The following EBF3 variants were observed in gnomAD, a reference collection of about 807,000 sequenced individuals.
The protein encoded by EBF3 is EBF transcription factor 3.
EBF3 carries 18 observed loss-of-function variants against 77.1 expected under a neutral mutation model. The observed-to-expected ratio is 0.23, with a 90% CI of 0.16 to 0.35. EBF3 has a LOEUF of 0.35. Ranked by LOEUF, EBF3 falls within the 10% of genes least tolerant of loss-of-function variation. The pLI, the probability that EBF3 is intolerant of heterozygous loss-of-function variation, is 1.00. For synonymous variants in EBF3, 350 were observed against 343.5 expected (o/e 1.02, Z -0.21); for missense variants, 558 against 860.0 (o/e 0.65, Z 4.39).
At position 129,897,801 on chromosome 10, in the gene EBF3, C is replaced by T. The variant is rs544385658; in HGVS notation, c.555-19952G>A. Reference sequence around the variant, plus strand: ...TCTTACTTTCCTACATTTATCGTGACGGGGCCACTTGTGGGTATGCGAGTA... The same window carrying T: ...TCTTACTTTCCTACATTTATCGTGATGGGGCCACTTGTGGGTATGCGAGTA... On this transcript the variant is annotated intron_variant, in intron 6 of 16. Coordinates refer to ENST00000440978, the MANE Select transcript of EBF3 (RefSeq NM_001375380.1). This position sits in a 1 kb window ranked among gnomAD's most constrained non-coding sequence, Gnocchi z 4.6. 2.6e-5 allele frequency among the ~76,000 whole-genome samples: 4 copies of T among 152,172 alleles called. No individual in the cohort carries two copies. The highest frequency in any genetic ancestry group is 2.1e-4 in the South Asian group (1 of 4,822).
At chr10:129,871,085 G>A (rs925661952) in intron 8 of EBF3, among the ~76,000 whole-genome samples, 1 of 152,124 alleles carries the variant, frequency 6.6e-6, no homozygotes, top group African/African-American at 2.4e-5. Flanking sequence ...GCTTTAACTC[G>A]CTAAAGCCCC....
At position 129,936,017 on chromosome 10, in the gene EBF3, C is replaced by T. The variant is rs554358826; in HGVS notation, c.554+21241G>A. Among the ~76,000 whole-genome samples the T allele has an allele frequency of 9.2e-5, 14 of 152,270 alleles. No individual in the cohort carries two copies. In the South Asian group the frequency reaches 2.7e-3, roughly 29 times the overall value. Reference sequence around the variant, plus strand: ...ACAATGCAGCTGGTGCCCAGGGCTGCGAGTCAACGGCGGCAGGTGCAGATG... The same window carrying T: ...ACAATGCAGCTGGTGCCCAGGGCTGTGAGTCAACGGCGGCAGGTGCAGATG... On this transcript the variant is annotated intron_variant, in intron 6 of 16. Coordinates refer to ENST00000440978, the MANE Select transcript of EBF3 (RefSeq NM_001375380.1).
chr10:129,937,535 A>T (rs906928345), intron 6 of EBF3, among the ~76,000 whole-genome samples: 2 of 152,174 alleles, frequency 1.3e-5, no homozygotes, highest in African/African-American at 4.8e-5. Flanking sequence ...CCACCTGTCC[A>T]TCCGCACATT....
In EBF3 at chr10:129,879,968, T is replaced by C. The variant is rs1299298493; in HGVS notation, c.555-2119A>G. 6.6e-6 allele frequency among the ~76,000 whole-genome samples: 1 copy of C among 152,096 alleles called. No individual in the cohort carries two copies. The highest frequency in any genetic ancestry group is 1.5e-5 in the Non-Finnish European group (1 of 68,014). ...GCCCGAGAAGCTGCTCATCTGCAAATGTACCTGCACGGAGCCATCTCCAGG... is the reference window on the plus strand; with the variant it reads ...GCCCGAGAAGCTGCTCATCTGCAAACGTACCTGCACGGAGCCATCTCCAGG... On this transcript the variant is annotated intron_variant, in intron 6 of 16. Transcript: ENST00000440978. This position sits in a 1 kb window ranked among gnomAD's most constrained non-coding sequence, Gnocchi z 4.7.
intron 6 of EBF3, among the ~76,000 whole-genome samples, chr10:129,910,013 C>T (rs895690622): frequency 1.3e-5 from 2 of 152,338 alleles, no homozygotes; most frequent in East Asian, 1.9e-4. Flanking sequence ...ATGACAGATC[C>T]GCCGACACCA....
Position 129,870,310 on chromosome 10 carries a change from C to T in EBF3, c.782-2398G>A, listed in dbSNP as rs141998008. 8.6e-5 allele frequency among the ~76,000 whole-genome samples: 13 copies of T among 151,976 alleles called. No homozygotes were observed. Among genetic ancestry groups the T allele is most frequent in the Non-Finnish European group, 1.8e-4 (12 of 68,012 alleles). ...AGCGTTAGAGATCTAATGATATACG[C>T]GCACAATACACTCAAGCAGATGACA... On this transcript the variant is annotated intron_variant, in intron 8 of 16. Coordinates refer to ENST00000440978, the MANE Select transcript of EBF3 (RefSeq NM_001375380.1). This position sits in a 1 kb window ranked among gnomAD's most constrained non-coding sequence, Gnocchi z 4.4.
chr10:129,963,798 G>T lies in EBF3; in HGVS notation c.-30C>A. The T allele has an allele frequency of 1.3e-6, 2 of 1,489,678 alleles. No homozygotes were observed. The highest frequency in any genetic ancestry group is 1.8e-6 in the Non-Finnish European group (2 of 1,108,936). The allele number at this position is 1,489,678 out of a possible 1,614,324, so 92.3% of individuals were successfully genotyped here. On this transcript the variant is annotated 5_prime_UTR_variant, in exon 1 of 17. Coordinates refer to ENST00000440978, the MANE Select transcript of EBF3 (RefSeq NM_001375380.1). The surrounding 1 kb of genome is among the most constrained non-coding windows in gnomAD (Gnocchi z 7.1). ...ACTGCTGGCGGCGGCCGCAGCTCCC[G>T]GCCGAAAGCGTTTCCTCGAGCAGCG... is the stretch of plus-strand genomic sequence containing the variant.
At chr10:129,867,046 C>T (rs1472629222) in intron 10 of EBF3, 95 bp downstream of exon 10, 3 of 1,456,946 alleles carry the variant, frequency 2.1e-6, no homozygotes, top group African/African-American at 2.9e-5. Flanking sequence ...AGACCCCTGC[C>T]CTCTCTGTAC....
chr10:129,942,978 C>CAT (rs1185297449), intron 6 of EBF3, among the ~76,000 whole-genome samples: 5 of 152,186 alleles, frequency 3.3e-5, no homozygotes, highest in Non-Finnish European at 7.3e-5. Context: ...TAATTTACAG[C>CAT]ATGCACTTAT....
chr10:129,940,942 G>T (rs1857691090), intron 6 of EBF3, among the ~76,000 whole-genome samples: 1 of 152,146 alleles, frequency 6.6e-6, no homozygotes, highest in Admixed American at 6.5e-5. Context: ...CGGTCCCCCA[G>T]CCTCGGACTG....
chr10:129,926,932 G>A (rs758826637), intron 6 of EBF3, among the ~76,000 whole-genome samples: 1 of 152,208 alleles, frequency 6.6e-6, no homozygotes, highest in Non-Finnish European at 1.5e-5. Context: ...GCTGCAAGGT[G>A]GGCAAGGTGC....
chr10:129,867,425 T>C (rs1233973363), intron 9 of EBF3, among the ~76,000 whole-genome samples, 158 bp from the exon 10 acceptor site: 2 of 152,198 alleles, frequency 1.3e-5, no homozygotes, highest in Non-Finnish European at 2.9e-5. Flanking sequence ...CCTACAGTGT[T>C]TTTTAAGAAA....
chr10:129,840,792 CGGT>C, intron 14 of EBF3, 49 bp downstream of exon 14: 1 of 1,574,514 alleles, frequency 6.4e-7, no homozygotes, highest in Non-Finnish European at 8.6e-7. Flanking sequence ...ACACTCGACT[CGGT>C]AGTGAATATG....
chr10:129,927,047 G>A (rs1856724876), intron 6 of EBF3, among the ~76,000 whole-genome samples: 1 of 152,224 alleles, frequency 6.6e-6, no homozygotes, highest in South Asian at 2.1e-4. Context: ...AGGAAGTCAG[G>A]CGCATCTTTT....
At chr10:129,933,257 G>C (rs552408783) in intron 6 of EBF3, among the ~76,000 whole-genome samples, 1 of 152,140 alleles carries the variant, frequency 6.6e-6, no homozygotes, top group African/African-American at 2.4e-5. Context: ...ACAGCAAACC[G>C]CAGGGGATGC....
chr10:129,836,852 T>TAA lies in EBF3; in HGVS notation c.*1089_*1090dup, dbSNP rs891034916. 6.6e-6 allele frequency: 1 copy of TAA among 152,594 alleles called. No individual in the cohort carries two copies. The highest frequency in any genetic ancestry group is 1.5e-5 in the Non-Finnish European group (1 of 68,016). 9.5% of individuals were successfully genotyped at this position (152,594 alleles called of 1,614,324 possible). A position where few individuals can be genotyped will look rare whatever the true frequency, so the allele number is the denominator to read the frequency against. On this transcript the variant is annotated 3_prime_UTR_variant, in exon 17 of 17. Coordinates refer to ENST00000440978, the MANE Select transcript of EBF3 (RefSeq NM_001375380.1). The stretch of plus-strand genomic sequence containing the variant: ...TATTTATAATTGATATGTTACAAAA[T>TAA]AAAGTCCCTTAGCAACTGCAAGTGT...
chr10:129,963,548 C>T lies in EBF3; in HGVS notation c.135-25G>A. The T allele has an allele frequency of 3.4e-6, 5 of 1,467,372 alleles. No individual in the cohort carries two copies. The highest frequency in any genetic ancestry group is 4.5e-6 in the Non-Finnish European group (5 of 1,102,170). 90.9% of individuals were successfully genotyped at this position (1,467,372 alleles called of 1,614,324 possible). On this transcript the variant is annotated intron_variant, in intron 1 of 16. Transcript: ENST00000440978. This position sits in a 1 kb window ranked among gnomAD's most constrained non-coding sequence, Gnocchi z 7.1. ...GCTGCGGGAGGAAAGAGACAGCGGC[C>T]CGGTGAGGAGCGCGGCGCCGGCCGG...
At chr10:129,900,390 T>TG (rs776354154) in intron 6 of EBF3, among the ~76,000 whole-genome samples, 1 of 136,898 alleles carries the variant, frequency 7.3e-6, no homozygotes, top group Non-Finnish European at 1.6e-5. Flanking sequence ...AGAGCAAGGA[T>TG]GGGGGGTAGG....
At chr10:129,900,001 G>T (rs1854671026) in intron 6 of EBF3, among the ~76,000 whole-genome samples, 4 of 152,240 alleles carry the variant, frequency 2.6e-5, no homozygotes. Context: ...AATTTGATAT[G>T]AATTCCTCAA....
Sources: gnomAD v4.1 joint callset for allele counts (sites outside exome capture counted in the v4.1 genomes callset) on GRCh38, gnomAD v4.1.1 for gene constraint, Gnocchi (gnomAD v3.1) non-coding constraint, MANE v1.5 for transcripts, NCBI Gene and HGNC (gene_info 2026-07-23, HGNC 2026-07-21) for gene names.